Variants in BTRC observed in about 807,000 individuals in gnomAD.
BTRC encodes the protein F-box/WD repeat-containing protein 1A.
A neutral mutation model predicts 85.5 loss-of-function variants in BTRC; 42 were observed. The ratio of observed to expected loss-of-function variants is 0.49; its 90% confidence interval spans 0.38 to 0.64. The LOEUF is 0.64. BTRC is among the 30% of genes least tolerant of loss of function. The probability of loss-of-function intolerance (pLI) is 0.00; values close to 1 mark genes in which losing one functional copy is unlikely to be tolerated. For missense variants in BTRC, 594 were observed against 743.5 expected, an observed-to-expected ratio of 0.80 and a Z score of 2.34; for synonymous variants, 255 against 263.3, an observed-to-expected ratio of 0.97 and a Z score of 0.30.
At chr10:101,358,976 C>G (rs1269614041) in intron 1 of BTRC, among the ~76,000 whole-genome samples, 1 of 152,096 alleles carries the variant, frequency 6.6e-6, no homozygotes. Context: ...GATGTTAAGG[C>G]TAAAAATAAA....
chr10:101,408,030 A>G (rs1203324288), intron 1 of BTRC, among the ~76,000 whole-genome samples: 1 of 152,032 alleles, frequency 6.6e-6, no homozygotes, highest in Admixed American at 6.6e-5. Context: ...CCTAAACATT[A>G]TTTCAAAATA....
intron 1 of BTRC, among the ~76,000 whole-genome samples, chr10:101,390,411 C>T (rs370049325): frequency 2.7e-5 from 4 of 149,078 alleles, no homozygotes; most frequent in Admixed American, 2.0e-4. Flanking sequence ...AATCTCTGCT[C>T]ACTGCAAGCT....
intron 2 of BTRC, among the ~76,000 whole-genome samples, chr10:101,431,652 G>A (rs1159095763): frequency 6.6e-6 from 1 of 152,044 alleles, no homozygotes; most frequent in Non-Finnish European, 1.5e-5. Flanking sequence ...TATCTATTTA[G>A]AAGAATTTCA....
At chr10:101,507,432 CTG>C (rs1946571506) in intron 4 of BTRC, among the ~76,000 whole-genome samples, 1 of 152,192 alleles carries the variant, frequency 6.6e-6, no homozygotes, top group African/African-American at 2.4e-5. Context: ...GATAAAGGCT[CTG>C]TGCCGCTCCG....
At chr10:101,379,516 C>T (rs1299392139) in intron 1 of BTRC, among the ~76,000 whole-genome samples, 1 of 152,020 alleles carries the variant, frequency 6.6e-6, no homozygotes, top group Non-Finnish European at 1.5e-5. Flanking sequence ...TCAACTGAGA[C>T]TTTGATTTAA....
chr10:101,525,433 A>G (rs2062176047), intron 5 of BTRC, among the ~76,000 whole-genome samples: 1 of 152,102 alleles, frequency 6.6e-6, no homozygotes, highest in African/African-American at 2.4e-5. Flanking sequence ...TTAAACATAC[A>G]TCTCTGTCTT....
intron 1 of BTRC, among the ~76,000 whole-genome samples, chr10:101,366,779 T>A (rs1232208319): frequency 9.1e-6 from 1 of 109,872 alleles, no homozygotes; most frequent in African/African-American, 3.3e-5. Context: ...TATATATATA[T>A]ATATATATAT....
chr10:101,365,811 A>G (rs1479879798), intron 1 of BTRC, among the ~76,000 whole-genome samples: 2 of 152,140 alleles, frequency 1.3e-5, no homozygotes, highest in African/African-American at 2.4e-5. Context: ...CGGATTTTCT[A>G]CAGTGAATAT....
At chr10:101,483,997 A>G (rs1945916494) in intron 4 of BTRC, among the ~76,000 whole-genome samples, 1 of 152,218 alleles carries the variant, frequency 6.6e-6, no homozygotes, top group Non-Finnish European at 1.5e-5. Context: ...CCACACCCAC[A>G]GATACACAAA....
chr10:101,459,783 A>G (rs1217259077), intron 2 of BTRC, among the ~76,000 whole-genome samples: 1 of 152,150 alleles, frequency 6.6e-6, no homozygotes, highest in Non-Finnish European at 1.5e-5. Flanking sequence ...TATCCATCTA[A>G]ATCTGATAAA....
chr10:101,544,505 T>C (rs893851391), intron 13 of BTRC, among the ~76,000 whole-genome samples: 35 of 151,752 alleles, frequency 2.3e-4, no homozygotes, highest in Non-Finnish European at 4.4e-5. Context: ...GGACTTCTAG[T>C]CTCAAGCAGT....
chr10:101,520,685 C>T (rs920177668), intron 4 of BTRC, among the ~76,000 whole-genome samples: 2 of 152,132 alleles, frequency 1.3e-5, no homozygotes, highest in African/African-American at 2.4e-5. Context: ...TGGCCGGGCA[C>T]GGTGGCTCAT....
chr10:101,540,572 CAA>C (rs2134443393), intron 13 of BTRC, among the ~76,000 whole-genome samples: 1 of 152,222 alleles, frequency 6.6e-6, no homozygotes, highest in South Asian at 2.1e-4. Context: ...TTGTCTTTTT[CAA>C]AGTTTTTTGG....
At chr10:101,466,748 A>G (rs1005922388) in intron 3 of BTRC, among the ~76,000 whole-genome samples, 2 of 152,216 alleles carry the variant, frequency 1.3e-5, no homozygotes, top group Non-Finnish European at 2.9e-5. Context: ...AAGAAAAATG[A>G]CTGTGTTGTC....
chr10:101,384,422 T>C (rs183755200), intron 1 of BTRC, among the ~76,000 whole-genome samples: 13 of 152,362 alleles, frequency 8.5e-5, no homozygotes, highest in Admixed American at 2.0e-4. Flanking sequence ...TAGATACTTA[T>C]GTTATGTAGC....
At chr10:101,366,196 G>A (rs748222856) in intron 1 of BTRC, among the ~76,000 whole-genome samples, 4 of 151,848 alleles carry the variant, frequency 2.6e-5, no homozygotes, top group Non-Finnish European at 5.9e-5. Context: ...TGGCAATAAA[G>A]TATAGGAAAA....
intron 13 of BTRC, among the ~76,000 whole-genome samples, chr10:101,542,398 T>G (rs2062482206): frequency 6.6e-6 from 1 of 152,168 alleles, no homozygotes; most frequent in Non-Finnish European, 1.5e-5. Context: ...TAATCACTAC[T>G]TTAGCCACAT....
intron 14 of BTRC, 76 bp downstream of exon 14, chr10:101,550,967 G>T: frequency 7.3e-7 from 1 of 1,367,632 alleles, no homozygotes; most frequent in South Asian, 1.6e-5. Context: ...CTAGTTCATG[G>T]AACTTTCTCC....
chr10:101,408,267 T>C (rs946072017), intron 1 of BTRC, among the ~76,000 whole-genome samples: 2 of 152,094 alleles, frequency 1.3e-5, no homozygotes, highest in African/African-American at 2.4e-5. Flanking sequence ...TTGCTATTTA[T>C]TTGTTTTTTC....
Sources: allele counts gnomAD v4.1 joint callset (sites outside exome capture counted in the v4.1 genomes callset), GRCh38; gene constraint gnomAD v4.1.1; transcripts MANE v1.5; gene names NCBI Gene and HGNC (gene_info 2026-07-23, HGNC 2026-07-21).